Variants in PLCB4 observed in about 807,000 individuals in gnomAD.
PLCB4 encodes phospholipase C beta 4, also known as 1-phosphatidylinositol 4,5-bisphosphate phosphodiesterase beta-4.
A neutral mutation model predicts 178.8 loss-of-function variants in PLCB4; 77 were observed. The observed-to-expected ratio is 0.43, with a 90% CI of 0.36 to 0.52. PLCB4 has a LOEUF of 0.52. Ranked by LOEUF, PLCB4 falls within the 20% of genes least tolerant of loss-of-function variation. The probability of loss-of-function intolerance (pLI) is 0.00; values close to 1 mark genes in which losing one functional copy is unlikely to be tolerated. For missense variants in PLCB4, 1,024 were observed against 1,453.4 expected (o/e 0.70, Z 4.80); for synonymous variants, 496 against 490.8 (o/e 1.01, Z -0.14).
At chr20:9,231,299 T>TTGTGGG (rs2093929139) in intron 3 of PLCB4, among the ~76,000 whole-genome samples, 1 of 152,146 alleles carries the variant, frequency 6.6e-6, no homozygotes, top group Non-Finnish European at 1.5e-5. Context: ...AACCTCCAGC[T>TTGTGGG]ATTATCTTGT....
rs2041830503 is a variant in PLCB4, at chr20:9,437,241, T to A, written c.2764+89T>A. ...CTATAGCTTTAGGAAATATATAAAT[T>A]CGAAGTTCTTTGTGGGAAAGAACCT... On this transcript the variant is annotated intron_variant, in intron 30 of 39. Coordinates refer to ENST00000378473, the MANE Select transcript of PLCB4 (RefSeq NM_001377142.1). 9 of 1,218,830 alleles carry A rather than the reference T, an allele frequency of 7.4e-6. No homozygotes were observed. The East Asian group carries it at 2.2e-4, about 30-fold the overall frequency. 75.5% of individuals were successfully genotyped at this position (1,218,830 alleles called of 1,614,324 possible).
At chr20:9,435,419 A>G (rs1407624223) in intron 28 of PLCB4, 141 bp from the exon 29 acceptor site, 23 of 499,140 alleles carry the variant, frequency 4.6e-5, no homozygotes, top group Middle Eastern at 5.3e-4. Flanking sequence ...TGCCTTCCTC[A>G]GTGTGTCTTA....
At chr20:9,165,825 G>A (rs530505149) in intron 2 of PLCB4, among the ~76,000 whole-genome samples, 1 of 151,706 alleles carries the variant, frequency 6.6e-6, no homozygotes, top group South Asian at 2.1e-4. Context: ...GTGTGTGTGT[G>A]TGTGTGTGTT....
chr20:9,346,544 A>C (rs904531343), intron 7 of PLCB4, among the ~76,000 whole-genome samples: 1 of 152,128 alleles, frequency 6.6e-6, no homozygotes, highest in Non-Finnish European at 1.5e-5. Flanking sequence ...ATGTGGGATG[A>C]GTGTGTAGGT....
chr20:9,362,554 T>C (rs1034854933), intron 7 of PLCB4, among the ~76,000 whole-genome samples: 1 of 152,210 alleles, frequency 6.6e-6, no homozygotes, highest in Non-Finnish European at 1.5e-5. Context: ...ATAATGCTGG[T>C]TGGAAATAAT....
intron 3 of PLCB4, among the ~76,000 whole-genome samples, chr20:9,219,304 C>A (rs1399640345): frequency 6.6e-6 from 1 of 152,136 alleles, no homozygotes; most frequent in Non-Finnish European, 1.5e-5. Flanking sequence ...CCCGTCTCTA[C>A]TAAAAATACG....
At chr20:9,091,865 C>G (rs758941812) in intron 1 of PLCB4, among the ~76,000 whole-genome samples, 1 of 151,954 alleles carries the variant, frequency 6.6e-6, no homozygotes, top group Non-Finnish European at 1.5e-5. Context: ...CATAAAGTCT[C>G]TTGGAAAAGT....
chr20:9,471,979 A>G (rs2044221873), intron 36 of PLCB4, among the ~76,000 whole-genome samples: 1 of 152,216 alleles, frequency 6.6e-6, no homozygotes. Flanking sequence ...TACAGGGCCC[A>G]CGCACCCGAT....
intron 20 of PLCB4, among the ~76,000 whole-genome samples, chr20:9,401,810 C>T (rs1281231394): frequency 6.6e-6 from 1 of 152,138 alleles, no homozygotes; most frequent in African/African-American, 2.4e-5. Context: ...GTGTTAACCA[C>T]TACCCATTTG....
chr20:9,129,973 G>C (rs906790107), intron 2 of PLCB4, among the ~76,000 whole-genome samples: 1 of 151,838 alleles, frequency 6.6e-6, no homozygotes, highest in African/African-American at 2.4e-5. Context: ...GGCTTCTCTT[G>C]GTTGTATCTA....
At chr20:9,114,283 G>A (rs1317394860) in intron 2 of PLCB4, among the ~76,000 whole-genome samples, 1 of 152,100 alleles carries the variant, frequency 6.6e-6, no homozygotes, top group Non-Finnish European at 1.5e-5. Context: ...ATTGACATAG[G>A]ACTGTGCTTA....
At chr20:9,241,069 T>C (rs1053259944) in intron 3 of PLCB4, among the ~76,000 whole-genome samples, 3 of 152,208 alleles carry the variant, frequency 2.0e-5, no homozygotes, top group African/African-American at 7.2e-5. Context: ...AAGGAATATT[T>C]AGGCTCAGTT....
chr20:9,419,421 T>C (rs914781901), intron 25 of PLCB4, among the ~76,000 whole-genome samples: 1 of 152,240 alleles, frequency 6.6e-6, no homozygotes, highest in Admixed American at 6.5e-5. Flanking sequence ...TATAATTTAA[T>C]GCATTATTAC....
At chr20:9,283,963 G>A (rs978560901) in intron 3 of PLCB4, among the ~76,000 whole-genome samples, 2 of 151,876 alleles carry the variant, frequency 1.3e-5, no homozygotes, top group Non-Finnish European at 2.9e-5. Context: ...GTCAGAAGAG[G>A]GACACATTCA....
At chr20:9,346,021 A>T (rs1352437988) in intron 7 of PLCB4, among the ~76,000 whole-genome samples, 2 of 152,180 alleles carry the variant, frequency 1.3e-5, no homozygotes, top group Non-Finnish European at 2.9e-5. Flanking sequence ...AACATCCTGC[A>T]AAGCCTCCAA....
chr20:9,267,980 C>T (rs1325964052), intron 3 of PLCB4, among the ~76,000 whole-genome samples: 2 of 152,140 alleles, frequency 1.3e-5, no homozygotes, highest in African/African-American at 4.8e-5. Flanking sequence ...GTGTCTCTTT[C>T]TGTCACTTCT....
At chr20:9,112,855 C>G (rs1210920345) in intron 2 of PLCB4, among the ~76,000 whole-genome samples, 1 of 144,768 alleles carries the variant, frequency 6.9e-6, no homozygotes, top group African/African-American at 2.6e-5. Flanking sequence ...CAAAAGCTGT[C>G]TCTATAATTA....
intron 28 of PLCB4, among the ~76,000 whole-genome samples, chr20:9,431,340 T>G (rs947975849): frequency 1.2e-4 from 19 of 152,092 alleles, no homozygotes; most frequent in African/African-American, 4.1e-4. Context: ...CTCATTTCAG[T>G]CCTCTTCTAA....
rs1600573746 is a variant in PLCB4 at position 9,124,736 on chromosome 20, T to C, written c.-79+28394T>C. 5.3e-5 allele frequency among the ~76,000 whole-genome samples: 8 copies of C among 152,258 alleles called. 1 individual carries two copies. On this transcript the variant is annotated intron_variant, in intron 2 of 39. Coordinates refer to ENST00000378473, the MANE Select transcript of PLCB4 (RefSeq NM_001377142.1). ...AAGGGGGTCTTAGTGTTGTGACCAATTCACAAACTCCCTTGGCCATTCCCC... is the reference window on the plus strand; with the variant it reads ...AAGGGGGTCTTAGTGTTGTGACCAACTCACAAACTCCCTTGGCCATTCCCC...
Sources: allele counts gnomAD v4.1 joint callset (sites outside exome capture counted in the v4.1 genomes callset), GRCh38; gene constraint gnomAD v4.1.1; transcripts MANE v1.5; gene names NCBI Gene and HGNC (gene_info 2026-07-23, HGNC 2026-07-21).